The following UNC45B variants were observed in gnomAD, a reference collection of about 807,000 sequenced individuals.
UNC45B encodes the protein unc-45 myosin chaperone B.
Under a neutral mutation model 98.7 loss-of-function variants are expected in UNC45B, and 78 were observed. The observed-to-expected ratio is 0.79, with a 90% CI of 0.66 to 0.95. The LOEUF is 0.95. Ranked by LOEUF, UNC45B falls within the 40% of genes least tolerant of loss-of-function variation. The pLI is 0.00. For missense variants in UNC45B, 1,225 were observed against 1,184.9 expected (o/e 1.03, Z -0.50); for synonymous variants, 462 against 480.4 (o/e 0.96, Z 0.50).
chr17:35,167,522 T>C (rs944415184), intron 9 of UNC45B, among the ~76,000 whole-genome samples: 3 of 151,622 alleles, frequency 2.0e-5, no homozygotes, highest in African/African-American at 7.3e-5. Context: ...CTCAGGAGGC[T>C]GAGGTGGGAG....
Position 35,177,049 on chromosome 17 carries a change from T to C in UNC45B, c.2058T>C (p.Asp686=). The change falls in exon 16 of 20, where the codon GAT becomes GAC. Residue 686 remains aspartate, a synonymous_variant. Coordinates refer to ENST00000394570, the MANE Select transcript of UNC45B (RefSeq NM_001267052.2). ...TTCCCCTGGCTTTGGAGGGCACAGATGTGGGCAAGGTGAAGGCAGCCCACG... is the reference window on the plus strand; with the variant it reads ...TTCCCCTGGCTTTGGAGGGCACAGACGTGGGCAAGGTGAAGGCAGCCCACG... The part of the protein sequence containing the change: ...ALIPLALEGT[D]VGKVKAAHAL... 1 of 1,614,176 alleles carries C rather than the reference T, an allele frequency of 6.2e-7. No individual in the cohort carries two copies. Among genetic ancestry groups the C allele is most frequent in the Non-Finnish European group, 8.5e-7 (1 of 1,180,018 alleles).
At chr17:35,181,803 A>G (rs1201166201) in intron 18 of UNC45B, among the ~76,000 whole-genome samples, 1 of 151,706 alleles carries the variant, frequency 6.6e-6, no homozygotes, top group East Asian at 1.9e-4. Context: ...AAAAAAAAAA[A>G]AAAAAGCATA....
At chr17:35,175,873 G>T (rs981090960) in intron 14 of UNC45B, 95 bp from the exon 15 acceptor site, 33 of 1,185,788 alleles carry the variant, frequency 2.8e-5, no homozygotes, top group African/African-American at 4.5e-5. Flanking sequence ...TTCATCCCAG[G>T]GTTTCACTGG....
chr17:35,174,120 A>T, intron 13 of UNC45B, 122 bp from the exon 14 acceptor site: 1 of 1,373,614 alleles, frequency 7.3e-7, no homozygotes, highest in Non-Finnish European at 1.0e-6. Context: ...CAGGCCATGG[A>T]CATCTTTGGA....
chr17:35,148,997 G>C lies in UNC45B; in HGVS notation c.193G>C (p.Asp65His), dbSNP rs140539145. 1 of 1,614,144 alleles carries C rather than the reference G, an allele frequency of 6.2e-7. No individual in the cohort carries two copies. The highest frequency in any genetic ancestry group is 8.5e-7 in the Non-Finnish European group (1 of 1,180,040). ...GGAGAGCTACGTCCAGGCAGCTTCA[G>C]ATGCCTCCAGAGGTGAGCCCCTCCC... is the stretch of plus-strand genomic sequence containing the variant. ...KTESYVQAAS[D>H]ASRAIDINSS... Residue 65 changes from aspartate (D) to histidine (H), a missense_variant, in exon 3 of 20, where the codon GAT becomes CAT. Coordinates refer to ENST00000394570, the MANE Select transcript of UNC45B (RefSeq NM_001267052.2).
rs145499297 is a variant in UNC45B at position 35,181,611 on chromosome 17, C to T, written c.2373+935C>T. On this transcript the variant is annotated intron_variant, in intron 18 of 19. Coordinates refer to ENST00000394570, the MANE Select transcript of UNC45B (RefSeq NM_001267052.2). ...TTCGAGACCAGCCTGGCCAACATGGCAAAACCCTGTCTCTACTAAAAGTAC... is the reference window on the plus strand; with the variant it reads ...TTCGAGACCAGCCTGGCCAACATGGTAAAACCCTGTCTCTACTAAAAGTAC... Among the ~76,000 whole-genome samples, 464 of 152,084 alleles carry T rather than the reference C, an allele frequency of 3.1e-3. 1 individual carries two copies. The highest frequency in any genetic ancestry group is 0.011 in the African/African-American group (439 of 41,460).
At chr17:35,168,505 A>T in intron 10 of UNC45B, 144 bp downstream of exon 10, 1 of 588,034 alleles carries the variant, frequency 1.7e-6, no homozygotes, top group Non-Finnish European at 2.5e-6. Flanking sequence ...ACCCCTGCAG[A>T]ACAGGGCAAT....
At chr17:35,173,521 A>G (rs2092204168) in intron 13 of UNC45B, among the ~76,000 whole-genome samples, 1 of 152,090 alleles carries the variant, frequency 6.6e-6, no homozygotes, top group Non-Finnish European at 1.5e-5. Flanking sequence ...TTTCTTTGGG[A>G]GGCTCTAAGG....
intron 12 of UNC45B, among the ~76,000 whole-genome samples, chr17:35,170,696 C>T (rs2101140): frequency 0.098 from 14,909 of 151,938 alleles, 773 homozygotes; most frequent in East Asian, 0.14. Flanking sequence ...ATTAGCTGGG[C>T]GTGGTGGCAC....
chr17:35,157,047 C>T (rs2092068044), intron 7 of UNC45B, among the ~76,000 whole-genome samples: 1 of 151,904 alleles, frequency 6.6e-6, no homozygotes, highest in African/African-American at 2.4e-5. Flanking sequence ...GCTGGGAGGG[C>T]CAAAGAGGCA....
Position 35,148,304 on chromosome 17 carries a change from A to C in UNC45B, c.41A>C (p.Asn14Thr). 2 of 1,614,002 alleles carry C rather than the reference A, an allele frequency of 1.2e-6. No individual in the cohort carries two copies. The highest frequency in any genetic ancestry group is 1.7e-6 in the Non-Finnish European group (2 of 1,179,988). Residue 14 changes from asparagine (N) to threonine (T), a missense_variant, in exon 2 of 20, where the codon AAC becomes ACC. Physicochemically the swap from Asn to Thr is moderately conservative, Grantham distance 65. Transcript: ENST00000394570. ...VEAVQLKEEG[N>T]RHFQLQDYKA... ...GCGGTACAGCTGAAGGAGGAAGGAA[A>C]CCGGCATTTCCAGCTCCAGGACTAC...
chr17:35,171,087 G>A (rs2092181888), intron 12 of UNC45B, among the ~76,000 whole-genome samples: 1 of 152,182 alleles, frequency 6.6e-6, no homozygotes, highest in Non-Finnish European at 1.5e-5. Flanking sequence ...ATCTTTGTGG[G>A]ACAGCTCCTA....
chr17:35,188,825 A>C lies in UNC45B; in HGVS notation c.*2266A>C, dbSNP rs1031726719. On this transcript the variant is annotated 3_prime_UTR_variant, in exon 20 of 20. Coordinates refer to ENST00000394570, the MANE Select transcript of UNC45B (RefSeq NM_001267052.2). ...GGCTAAGTCTTCATGGGAGGCCTTT[A>C]AGAAAAGCTGTGACAAATACCTTTG... The C allele has an allele frequency of 1.3e-5, 2 of 152,184 alleles. No individual in the cohort carries two copies. Among genetic ancestry groups the C allele is most frequent in the African/African-American group, 4.8e-5 (2 of 41,428 alleles). 9.4% of individuals were successfully genotyped at this position (152,184 alleles called of 1,614,324 possible). A position where few individuals can be genotyped will look rare whatever the true frequency, so the allele number is the denominator to read the frequency against.
intron 13 of UNC45B, among the ~76,000 whole-genome samples, chr17:35,173,426 C>T (rs972414476): frequency 6.6e-6 from 1 of 151,992 alleles, no homozygotes; most frequent in African/African-American, 2.4e-5. Flanking sequence ...ACGCCTGGCC[C>T]GGTTTTAAAA....
At chr17:35,177,303 G>GC (rs2092241516) in intron 16 of UNC45B, among the ~76,000 whole-genome samples, 173 bp downstream of exon 16, 1 of 152,182 alleles carries the variant, frequency 6.6e-6, no homozygotes, top group Non-Finnish European at 1.5e-5. Flanking sequence ...TGACAAACCG[G>GC]ATTGCCCTCT....
chr17:35,157,276 G>C (rs1466029239), intron 7 of UNC45B, among the ~76,000 whole-genome samples: 1 of 151,888 alleles, frequency 6.6e-6, no homozygotes, highest in Non-Finnish European at 1.5e-5. Flanking sequence ...GTCTTGCTCT[G>C]TTGCCCAGGC....
intron 19 of UNC45B, among the ~76,000 whole-genome samples, chr17:35,185,452 C>T (rs945217839): frequency 6.6e-5 from 10 of 152,174 alleles, no homozygotes; most frequent in African/African-American, 1.2e-4. Flanking sequence ...GGATTACAGG[C>T]GTGCACCACC....
rs571178315 is a variant in UNC45B, at chr17:35,177,292, C to G, written c.2139+162C>G. ...CTGGATTCCAGGCCTGGTTCTGCCT[C>G]TGACAAACCGGATTGCCCTCTCCAA... On this transcript the variant is annotated intron_variant, in intron 16 of 19. Transcript: ENST00000394570. Among the ~76,000 whole-genome samples the G allele has an allele frequency of 2.4e-3, 371 of 152,290 alleles. 3 individuals are homozygous for G. Among genetic ancestry groups the G allele is most frequent in the Non-Finnish European group, 4.3e-3 (293 of 68,018 alleles).
rs752299850 is a variant in UNC45B, at chr17:35,155,456, T to C, written c.800T>C (p.Leu267Pro). ...GAGCATCGAGGGAAGGAGGAGGCCC[T>C]GGTTCTAGGTAGGAAACATTCTTCA... is the stretch of plus-strand genomic sequence containing the variant. ...KREHRGKEEA[L>P]VLDTKKDLKQ... Residue 267 changes from leucine (L) to proline (P), a missense_variant, in exon 7 of 20, where the codon CTG (leucine) becomes CCG (proline). Coordinates refer to ENST00000394570, the MANE Select transcript of UNC45B (RefSeq NM_001267052.2). 3.7e-6 allele frequency: 6 copies of C among 1,613,988 alleles called. No homozygotes were observed. In the Admixed American group the frequency reaches 1.0e-4, roughly 27 times the overall value.
Sources: gnomAD v4.1 joint callset for allele counts (sites outside exome capture counted in the v4.1 genomes callset) on GRCh38, gnomAD v4.1.1 for gene constraint, MANE v1.5 for transcripts, NCBI Gene and HGNC (gene_info 2026-07-23, HGNC 2026-07-21) for gene names.